THAP12: variants seen among roughly 807,000 people sequenced by gnomAD.
The protein encoded by THAP12 is 52 kDa repressor of the inhibitor of the protein kinase.
Under a neutral mutation model 63.0 loss-of-function variants are expected in THAP12, and 20 were observed. The ratio of observed to expected loss-of-function variants is 0.32; its 90% CI spans 0.22 to 0.46. The LOEUF is 0.46. Ranked by LOEUF, THAP12 falls within the 20% of genes least tolerant of loss-of-function variation. The probability of loss-of-function intolerance (pLI) is 1.00; values close to 1 mark genes in which losing one functional copy is unlikely to be tolerated. For missense variants in THAP12, 568 were observed against 908.2 expected (o/e 0.63, Z 4.81); for synonymous variants, 264 against 328.4 (o/e 0.80, Z 2.12).
chr11:76,355,886 A>C (rs1194648327), intron 3 of THAP12: 14 of 355,478 alleles, frequency 3.9e-5, no homozygotes, highest in Non-Finnish European at 6.0e-5. Context: ...AAAAGAATAC[A>C]TCATTTTGCT....
intron 1 of THAP12, among the ~76,000 whole-genome samples, chr11:76,372,987 T>C (rs1946684754): frequency 6.6e-6 from 1 of 152,116 alleles, no homozygotes; most frequent in South Asian, 2.1e-4. Context: ...GCAGGGCCTT[T>C]AAAAAAGTTA....
intron 1 of THAP12, among the ~76,000 whole-genome samples, chr11:76,368,871 C>G (rs893926969): frequency 6.6e-6 from 1 of 152,170 alleles, no homozygotes; most frequent in African/African-American, 2.4e-5. Context: ...CTTAAGGCAA[C>G]AGCACAAATG....
intron 1 of THAP12, among the ~76,000 whole-genome samples, chr11:76,367,546 C>T (rs1946640012): frequency 6.6e-6 from 1 of 152,148 alleles, no homozygotes; most frequent in African/African-American, 2.4e-5. Context: ...CCTCAGCCAC[C>T]CAAGGAGCTG....
intron 1 of THAP12, among the ~76,000 whole-genome samples, chr11:76,376,826 T>C (rs1946714729): frequency 6.6e-6 from 1 of 152,064 alleles, no homozygotes; most frequent in African/African-American, 2.4e-5. Context: ...CAAAACAGGA[T>C]TCACTACATA....
chr11:76,357,392 T>C (rs1441315106), intron 3 of THAP12: 1 of 151,554 alleles, frequency 6.6e-6, no homozygotes, highest in Non-Finnish European at 1.5e-5. Context: ...GAGGGGAAAA[T>C]GCATAAAGAA....
chr11:76,367,582 T>TCAG (rs1254731574), intron 1 of THAP12, among the ~76,000 whole-genome samples: 3 of 151,848 alleles, frequency 2.0e-5, no homozygotes, highest in East Asian at 3.9e-4. Flanking sequence ...ACCACGACAC[T>TCAG]CAGCTAAGTT....
chr11:76,379,479 C>G (rs957630920), intron 1 of THAP12, among the ~76,000 whole-genome samples: 2 of 152,174 alleles, frequency 1.3e-5, no homozygotes, highest in African/African-American at 4.8e-5. Context: ...CCTTTCTGGT[C>G]TCATCTCACC....
At chr11:76,362,179 T>G (rs554363134) in intron 2 of THAP12, among the ~76,000 whole-genome samples, 1 of 152,344 alleles carries the variant, frequency 6.6e-6, no homozygotes, top group East Asian at 1.9e-4. Flanking sequence ...GTCCAAAGAA[T>G]AGTGCCTTTA....
At chr11:76,365,759 C>G in intron 2 of THAP12, 93 bp downstream of exon 2, 1 of 1,431,060 alleles carries the variant, frequency 7.0e-7, no homozygotes, top group South Asian at 1.3e-5. Flanking sequence ...GGAATACCTT[C>G]CAACATTGGT....
At chr11:76,378,843 A>C (rs2134520454) in intron 1 of THAP12, among the ~76,000 whole-genome samples, 1 of 152,194 alleles carries the variant, frequency 6.6e-6, no homozygotes, top group South Asian at 2.1e-4. Context: ...TCCTGACCTC[A>C]AGTGATCCGC....
intron 1 of THAP12, among the ~76,000 whole-genome samples, chr11:76,372,517 C>T (rs138912283): frequency 2.8e-4 from 43 of 151,698 alleles, no homozygotes; most frequent in African/African-American, 9.2e-4. Flanking sequence ...TTAAGCCATC[C>T]TCCTGCCTCA....
Position 76,355,658 on chromosome 11 carries a change from A to G in THAP12, c.319-4T>C. ...GTGTCCTGATTTCATCTTCACTCTA[A>G]ATGTCAAGAAAAAAAAAGAAAAAAA... On this transcript the variant is annotated splice_region_variant and splice_polypyrimidine_tract_variant and intron_variant, in intron 3 of 4. Transcript: ENST00000260045. The G allele has an allele frequency of 6.3e-7, 1 of 1,588,376 alleles. No individual in the cohort carries two copies. Among genetic ancestry groups the G allele is most frequent in the Non-Finnish European group, 8.6e-7 (1 of 1,168,982 alleles).
In THAP12 at chr11:76,352,086, A is replaced by G. The variant is rs1268943723; in HGVS notation, c.1064T>C (p.Ile355Thr). ...SRLLEKYPQA[I>T]YTLCSSCALN... is the part of the protein sequence containing the mutation. ...GGCACAGGAAGAGCAGAGTGTGTAG[A>G]TAGCTTGGGGATATTTCTCTAAAAG... The change falls in exon 5 of 5, where the codon ATC (isoleucine) becomes ACC (threonine). Residue 355 changes from isoleucine (I) to threonine (T), a missense_variant. Ile to Thr is a moderately conservative substitution (Grantham distance 89, BLOSUM62 -1). Transcript: ENST00000260045. The G allele has an allele frequency of 1.2e-6, 2 of 1,612,012 alleles. No individual in the cohort carries two copies. The highest frequency in any genetic ancestry group is 1.7e-6 in the Non-Finnish European group (2 of 1,179,838).
At chr11:76,368,488 G>C (rs1284002804) in intron 1 of THAP12, 1 of 151,990 alleles carries the variant, frequency 6.6e-6, no homozygotes, top group African/African-American at 2.4e-5. Flanking sequence ...AAAGAACCAG[G>C]GATAACCAAG....
rs759864327 is a variant in THAP12 at position 76,351,428 on chromosome 11, A to G, written c.1722T>C (p.Tyr574=). 1 of 1,603,890 alleles carries G rather than the reference A, an allele frequency of 6.2e-7. No homozygotes were observed. The highest frequency in any genetic ancestry group is 8.5e-7 in the Non-Finnish European group (1 of 1,172,656). The change falls in exon 5 of 5, where the codon TAT becomes TAC. Residue 574 remains tyrosine (Y), a synonymous_variant. Coordinates refer to ENST00000260045, the MANE Select transcript of THAP12 (RefSeq NM_004705.4). The stretch of plus-strand genomic sequence containing the variant: ...CTGTTGGGACACTTAGGGTTTCTTT[A>G]TAGTAACTCTCAGAGGTTAGCTGAG... ...LESQLTSESY[Y]KETLSVPTVE...
At chr11:76,365,384 T>G (rs900776572) in intron 2 of THAP12, among the ~76,000 whole-genome samples, 1 of 151,844 alleles carries the variant, frequency 6.6e-6, no homozygotes, top group African/African-American at 2.4e-5. Flanking sequence ...TTTGTTTTAA[T>G]CATTTTGAGT....
intron 3 of THAP12, 74 bp from the exon 4 acceptor site, chr11:76,355,728 T>A: frequency 8.1e-7 from 1 of 1,241,816 alleles, no homozygotes; most frequent in Non-Finnish European, 1.1e-6. Flanking sequence ...CATCTTAGAC[T>A]CACAAATACA....
chr11:76,376,942 G>A (rs1170175392), intron 1 of THAP12, among the ~76,000 whole-genome samples: 1 of 152,156 alleles, frequency 6.6e-6, no homozygotes, highest in Admixed American at 6.5e-5. Context: ...GTAAAAGGAA[G>A]ATAACGCATA....
chr11:76,352,429 T>G lies in THAP12; in HGVS notation c.721A>C (p.Ile241Leu). 1 of 1,611,900 alleles carries G rather than the reference T, an allele frequency of 6.2e-7. No homozygotes were observed. The highest frequency in any genetic ancestry group is 1.1e-5 in the South Asian group (1 of 90,972). Reference sequence around the variant, plus strand: ...TCTTCTCGAATACAGCTCTCACAGATCTCTAGCATCTGCCTCTGCTGTGTT... The same window carrying G: ...TCTTCTCGAATACAGCTCTCACAGAGCTCTAGCATCTGCCTCTGCTGTGTT... ...SKTQQRQMLE[I>L]CESCIREETL... Residue 241 changes from isoleucine to leucine, a missense_variant, in exon 5 of 5, where the codon ATC becomes CTC. Coordinates refer to ENST00000260045, the MANE Select transcript of THAP12 (RefSeq NM_004705.4).
Sources: allele counts gnomAD v4.1 joint callset (sites outside exome capture counted in the v4.1 genomes callset), GRCh38; gene constraint gnomAD v4.1.1; transcripts MANE v1.5; gene names NCBI Gene and HGNC (gene_info 2026-07-23, HGNC 2026-07-21).